Variants in SLIT2 observed in about 807,000 individuals in gnomAD.
The protein encoded by SLIT2 is slit homolog 2 protein.
SLIT2 carries 41 observed loss-of-function variants against 185.7 expected under a neutral mutation model. The observed-to-expected ratio is 0.22, with a 90% CI of 0.17 to 0.29. The LOEUF is 0.29. SLIT2 is among the 10% of genes least tolerant of loss of function. SLIT2 has a pLI of 1.00. For missense variants in SLIT2, 1,571 were observed against 1,909.0 expected, an observed-to-expected ratio of 0.82 and a Z score of 3.30; for synonymous variants, 693 against 680.2, an observed-to-expected ratio of 1.02 and a Z score of -0.29.
chr4:20,433,926 G>A (rs1729160880), intron 4 of SLIT2, among the ~76,000 whole-genome samples: 2 of 152,186 alleles, frequency 1.3e-5, no homozygotes, highest in African/African-American at 4.8e-5. Context: ...ATTAATAGAT[G>A]GTTTTAGAAA....
intron 12 of SLIT2, among the ~76,000 whole-genome samples, chr4:20,519,748 T>G (rs1289476500): frequency 1.3e-5 from 2 of 152,134 alleles, no homozygotes; most frequent in African/African-American, 4.8e-5. Flanking sequence ...TCTGTTTTAA[T>G]GTAACCAGTA....
chr4:20,521,471 A>C (rs1017411563), intron 12 of SLIT2, among the ~76,000 whole-genome samples: 5 of 152,230 alleles, frequency 3.3e-5, no homozygotes, highest in Non-Finnish European at 7.3e-5. Context: ...AAGTGAGTAC[A>C]AACTGCATAG....
chr4:20,340,151 G>A (rs1720845620), intron 4 of SLIT2, among the ~76,000 whole-genome samples: 1 of 152,162 alleles, frequency 6.6e-6, no homozygotes, highest in Non-Finnish European at 1.5e-5. Context: ...GGGAACATGA[G>A]ATGTTTTGAT....
At chr4:20,435,674 C>A (rs1161388144) in intron 4 of SLIT2, among the ~76,000 whole-genome samples, 2 of 152,096 alleles carry the variant, frequency 1.3e-5, no homozygotes, top group Non-Finnish European at 2.9e-5. Context: ...TGAATAAAAT[C>A]TTAAGAAATT....
chr4:20,596,571 G>A lies in SLIT2; in HGVS notation c.3477G>A (p.Leu1159=), dbSNP rs1727999067. The stretch of plus-strand genomic sequence containing the variant: ...ATCAGGGAGAAAAGTGTGAAAAATT[G>A]GTTAGTGTGAATTTTATAAACAAAG... ...PGYQGEKCEK[L]VSVNFINKES... Residue 1159 remains leucine (L), a synonymous_variant, in exon 32 of 37, where the codon TTG becomes TTA. Coordinates refer to ENST00000504154, the MANE Select transcript of SLIT2 (RefSeq NM_004787.4). 1.2e-6 allele frequency: 2 copies of A among 1,613,772 alleles called. No individual in the cohort carries two copies. The highest frequency in any genetic ancestry group is 1.7e-5 in the Admixed American group (1 of 59,986).
intron 4 of SLIT2, among the ~76,000 whole-genome samples, chr4:20,318,120 C>G (rs546970568): frequency 2.0e-5 from 3 of 152,134 alleles, no homozygotes; most frequent in African/African-American, 7.2e-5. Context: ...ATGCTTGTTT[C>G]CAAAGGCTTA....
intron 33 of SLIT2, among the ~76,000 whole-genome samples, chr4:20,602,413 A>C (rs2148967475): frequency 6.6e-6 from 1 of 152,356 alleles, no homozygotes; most frequent in South Asian, 2.1e-4. Context: ...GAAATAAAGT[A>C]GTATGCATAT....
chr4:20,289,861 T>C (rs1256443355), intron 4 of SLIT2, among the ~76,000 whole-genome samples: 1 of 152,196 alleles, frequency 6.6e-6, no homozygotes, highest in Non-Finnish European at 1.5e-5. Flanking sequence ...AGTTAAGATA[T>C]AAACCCTCAT....
intron 29 of SLIT2, 135 bp downstream of exon 29, chr4:20,569,139 T>C (rs768945338): frequency 1.3e-6 from 1 of 756,944 alleles, no homozygotes; most frequent in Non-Finnish European, 2.2e-6. Context: ...AGATGTAATG[T>C]AAATAACATA....
chr4:20,263,510 C>G (rs932361120), intron 3 of SLIT2, among the ~76,000 whole-genome samples: 1 of 151,752 alleles, frequency 6.6e-6, no homozygotes, highest in Non-Finnish European at 1.5e-5. Flanking sequence ...CTTATTTTAT[C>G]TACTGATGCT....
At chr4:20,572,536 T>C (rs28736462) in intron 29 of SLIT2, among the ~76,000 whole-genome samples, 4,758 of 152,282 alleles carry the variant, frequency 0.031, 257 homozygotes, top group African/African-American at 0.1. Flanking sequence ...TTCCAAGGAA[T>C]TCCTGAAATA....
At chr4:20,391,634 T>G (rs1351747624) in intron 4 of SLIT2, among the ~76,000 whole-genome samples, 1 of 152,142 alleles carries the variant, frequency 6.6e-6, no homozygotes, top group African/African-American at 2.4e-5. Context: ...CGATTTCTGA[T>G]TCAACCATAC....
chr4:20,375,864 T>C (rs1300800790), intron 4 of SLIT2, among the ~76,000 whole-genome samples: 1 of 152,080 alleles, frequency 6.6e-6, no homozygotes, highest in African/African-American at 2.4e-5. Flanking sequence ...TTTATATCAC[T>C]GTTCTTCAAA....
chr4:20,302,918 T>A (rs1717189202), intron 4 of SLIT2, among the ~76,000 whole-genome samples: 1 of 152,198 alleles, frequency 6.6e-6, no homozygotes, highest in African/African-American at 2.4e-5. Context: ...TTCACTTTTA[T>A]GACTTCGTTA....
intron 5 of SLIT2, among the ~76,000 whole-genome samples, chr4:20,475,014 G>T (rs78509812): frequency 0.067 from 10,084 of 151,514 alleles, 425 homozygotes; most frequent in Admixed American, 0.16. Context: ...AGGAATTACA[G>T]ACTCTTTCCT....
At chr4:20,431,973 G>T (rs1487800296) in intron 4 of SLIT2, among the ~76,000 whole-genome samples, 1 of 146,910 alleles carries the variant, frequency 6.8e-6, no homozygotes, top group East Asian at 1.9e-4. Flanking sequence ...GTGTGTGTTT[G>T]TGTGTGTGTG....
intron 4 of SLIT2, among the ~76,000 whole-genome samples, chr4:20,312,771 C>CAAAAAAAAAAAAA (rs34372893): frequency 9.8e-6 from 1 of 102,168 alleles, no homozygotes; most frequent in Non-Finnish European, 2.0e-5. Context: ...GACTTTGTCT[C>CAAAAAAAAAAAAA]AAAAAAAAAA....
intron 5 of SLIT2, among the ~76,000 whole-genome samples, chr4:20,473,472 C>T (rs1264486950): frequency 6.6e-6 from 1 of 151,864 alleles, no homozygotes; most frequent in African/African-American, 2.4e-5. Flanking sequence ...GGAAGTCACC[C>T]AATTTGGAAT....
At chr4:20,438,967 A>G (rs868507495) in intron 4 of SLIT2, among the ~76,000 whole-genome samples, 8 of 152,154 alleles carry the variant, frequency 5.3e-5, no homozygotes, top group Non-Finnish European at 1.0e-4. Flanking sequence ...ATTGTCTGAC[A>G]TACTATATTG....
Sources: gnomAD v4.1 joint callset for allele counts (sites outside exome capture counted in the v4.1 genomes callset) on GRCh38, gnomAD v4.1.1 for gene constraint, MANE v1.5 for transcripts, NCBI Gene and HGNC (gene_info 2026-07-23, HGNC 2026-07-21) for gene names.